The following C13orf42 variants were observed in gnomAD, a reference collection of about 807,000 sequenced individuals.
The protein encoded by C13orf42 is uncharacterized protein C13orf42.
At chr13:51,088,133 G>T (rs1953149202) in intron 1 of C13orf42, 58 bp from the exon 2 acceptor site, 2 of 398,068 alleles carry the variant, frequency 5.0e-6, no homozygotes, top group Admixed American at 4.4e-5. Flanking sequence ...CAGAGACTCA[G>T]AAAAGGGTGA....
intron 1 of C13orf42, among the ~76,000 whole-genome samples, chr13:51,152,336 A>G (rs1300479448): frequency 1.3e-5 from 2 of 152,022 alleles, no homozygotes; most frequent in Non-Finnish European, 2.9e-5. Context: ...TACAAACATC[A>G]CCCAGTTCTT....
At chr13:51,137,323 G>A (rs1953665122) in intron 1 of C13orf42, among the ~76,000 whole-genome samples, 1 of 152,072 alleles carries the variant, frequency 6.6e-6, no homozygotes, top group African/African-American at 2.4e-5. Flanking sequence ...GGAGATGTGG[G>A]GTCTGTGCAA....
chr13:51,103,093 A>G (rs949975105), intron 1 of C13orf42, among the ~76,000 whole-genome samples: 1 of 152,180 alleles, frequency 6.6e-6, no homozygotes, highest in Non-Finnish European at 1.5e-5. Context: ...AAAATGTCCA[A>G]TGTGAACCAT....
chr13:51,106,927 G>T (rs1953363200), intron 1 of C13orf42, among the ~76,000 whole-genome samples: 1 of 152,148 alleles, frequency 6.6e-6, no homozygotes, highest in African/African-American at 2.4e-5. Flanking sequence ...GATTTTTTTT[G>T]TTGTTTTGAT....
At position 51,083,089 on chromosome 13, in the gene C13orf42, C is replaced by T. The variant is rs1349036662; in HGVS notation, c.*1062G>A. The T allele has an allele frequency of 3.3e-5, 5 of 152,152 alleles. No homozygotes were observed. The highest frequency in any genetic ancestry group is 7.3e-5 in the Non-Finnish European group (5 of 68,048). The allele number at this position is 152,152 out of a possible 1,614,324, so 9.4% of individuals were successfully genotyped here. On this transcript the variant is annotated 3_prime_UTR_variant, in exon 4 of 4. Coordinates refer to ENST00000563710, the MANE Select transcript of C13orf42 (RefSeq NM_001351589.3). Reference sequence around the variant, plus strand: ...TGTTTTCTGTTTTTTGTCTCTCTCCCTTCCTTCTGCCCAAAGACCCTTATA... The same window carrying T: ...TGTTTTCTGTTTTTTGTCTCTCTCCTTTCCTTCTGCCCAAAGACCCTTATA...
chr13:51,135,800 A>G (rs1296052582), intron 1 of C13orf42, among the ~76,000 whole-genome samples: 2 of 151,968 alleles, frequency 1.3e-5, no homozygotes, highest in Non-Finnish European at 2.9e-5. Flanking sequence ...TTCATCTCCT[A>G]CCCTGGCCTG....
intron 1 of C13orf42, among the ~76,000 whole-genome samples, chr13:51,143,650 A>C (rs936591162): frequency 6.6e-6 from 1 of 152,166 alleles, no homozygotes; most frequent in Non-Finnish European, 1.5e-5. Context: ...TAAATAAATG[A>C]CTTTACAATG....
chr13:51,110,962 T>C lies in C13orf42; in HGVS notation c.248A>G (p.Gln83Arg), dbSNP rs1953423100. 2.5e-6 allele frequency: 1 copy of C among 398,658 alleles called. No individual in the cohort carries two copies. The highest frequency in any genetic ancestry group is 4.4e-6 in the Non-Finnish European group (1 of 226,092). 24.7% of individuals were successfully genotyped at this position (398,658 alleles called of 1,614,324 possible). The change falls in exon 1 of 4, where the codon CAG becomes CGG. Residue 83 changes from glutamine (Q) to arginine (R), a missense_variant. Physicochemically the swap from Gln to Arg is conservative, Grantham distance 43 (BLOSUM62 1). Transcript: ENST00000563710. Reference sequence around the variant, plus strand: ...CTCCTGCAGGTACTGCAGGCAGTCCTGGGTGCGCGAATACATCCACGCCCG... The same window carrying C: ...CTCCTGCAGGTACTGCAGGCAGTCCCGGGTGCGCGAATACATCCACGCCCG... ...EDRAWMYSRT[Q>R]DCLQYLQELL...
chr13:51,145,056 A>G (rs1953724634), intron 1 of C13orf42, among the ~76,000 whole-genome samples: 1 of 152,120 alleles, frequency 6.6e-6, no homozygotes, highest in African/African-American at 2.4e-5. Context: ...GTTTTTTCCT[A>G]TTTTTATTAT....
chr13:51,088,596 C>A (rs1189441580), intron 1 of C13orf42, among the ~76,000 whole-genome samples: 1 of 152,062 alleles, frequency 6.6e-6, no homozygotes, highest in East Asian at 1.9e-4. Context: ...GGGATGGATA[C>A]CATGTTTTCC....
Position 51,135,944 on chromosome 13 carries a change from G to A in C13orf42, n.137-22722C>T, listed in dbSNP as rs148706878. Among the ~76,000 whole-genome samples, 303 of 152,338 alleles carry A rather than the reference G, an allele frequency of 2.0e-3. 1 individual carries two copies. Among genetic ancestry groups the A allele is most frequent in the African/African-American group, 7.0e-3 (289 of 41,560 alleles). On this transcript the variant is annotated intron_variant and non_coding_transcript_variant, in intron 1 of 4. Transcript: ENST00000433280. ...TGTAATTCAGGGCACTGGTCACACA[G>A]GCGACAGAAGAGTCCAGCAGGCCGG...
intron 1 of C13orf42, among the ~76,000 whole-genome samples, chr13:51,138,752 T>C (rs1953675583): frequency 2.0e-5 from 3 of 152,192 alleles, no homozygotes; most frequent in South Asian, 2.1e-4. Context: ...TCCAAAAGAA[T>C]TGAAATCAGA....
At chr13:51,142,497 T>C (rs1426000269) in intron 1 of C13orf42, among the ~76,000 whole-genome samples, 1 of 151,682 alleles carries the variant, frequency 6.6e-6, no homozygotes, top group African/African-American at 2.4e-5. Context: ...GTAGACAAAC[T>C]GGTCATAATT....
chr13:51,152,026 A>C (rs1593553800), intron 1 of C13orf42, among the ~76,000 whole-genome samples: 1 of 152,312 alleles, frequency 6.6e-6, no homozygotes, highest in Non-Finnish European at 1.5e-5. Context: ...TCTTCATTCT[A>C]ACAAGATCCC....
intron 1 of C13orf42, among the ~76,000 whole-genome samples, chr13:51,144,988 GA>G (rs1319909410): frequency 6.6e-6 from 1 of 152,130 alleles, no homozygotes; most frequent in Admixed American, 6.5e-5. Context: ...ACTGGAGAGA[GA>G]AAAAAATTGT....
intron 1 of C13orf42, among the ~76,000 whole-genome samples, chr13:51,089,470 A>G (rs1414856392): frequency 6.6e-6 from 1 of 151,998 alleles, no homozygotes; most frequent in Non-Finnish European, 1.5e-5. Context: ...TTCTCATGAT[A>G]GTGAGTGAGT....
intron 1 of C13orf42, among the ~76,000 whole-genome samples, chr13:51,107,459 C>A (rs1953371106): frequency 6.6e-6 from 1 of 152,158 alleles, no homozygotes; most frequent in Non-Finnish European, 1.5e-5. Context: ...TTTCTTACTG[C>A]AATGGATTCT....
intron 1 of C13orf42, among the ~76,000 whole-genome samples, chr13:51,128,961 C>CT (rs1183088472): frequency 2.0e-5 from 3 of 152,180 alleles, no homozygotes; most frequent in Non-Finnish European, 4.4e-5. Context: ...CCTCCATTAA[C>CT]TAACCTTTGA....
chr13:51,152,212 G>A (rs189828948), intron 1 of C13orf42, among the ~76,000 whole-genome samples: 81 of 152,308 alleles, frequency 5.3e-4, no homozygotes, highest in African/African-American at 1.9e-3. Context: ...TGCTTAGAAC[G>A]GTGCACTCCA....
Sources: allele counts gnomAD v4.1 joint callset (sites outside exome capture counted in the v4.1 genomes callset), GRCh38; gene constraint gnomAD v4.1.1; transcripts MANE v1.5; gene names NCBI Gene and HGNC (gene_info 2026-07-23, HGNC 2026-07-21).